The following TP53BP1 variants were observed in gnomAD, a reference collection of about 807,000 sequenced individuals.
TP53BP1 encodes TP53-binding protein 1.
TP53BP1 carries 61 observed loss-of-function variants against 200.8 expected under a neutral mutation model. The observed-to-expected ratio is 0.30, with a 90% CI of 0.25 to 0.38. The LOEUF (loss-of-function observed/expected upper bound fraction) is 0.38, where lower values mean the gene tolerates loss of function less well. TP53BP1 is among the 10% of genes least tolerant of loss of function. The probability of loss-of-function intolerance (pLI) is 1.00; values close to 1 mark genes in which losing one functional copy is unlikely to be tolerated. For missense variants in TP53BP1, 2,144 were observed against 2,371.9 expected (o/e 0.90, Z 2.00); for synonymous variants, 822 against 844.3 (o/e 0.97, Z 0.46).
intron 21 of TP53BP1, among the ~76,000 whole-genome samples, chr15:43,418,169 G>T (rs1222462225): frequency 7.3e-6 from 1 of 137,044 alleles, no homozygotes; most frequent in East Asian, 2.1e-4. Context: ...GACAGAGCAA[G>T]GCTCTGTTTT....
chr15:43,483,354 T>C (rs1378745006), intron 4 of TP53BP1, among the ~76,000 whole-genome samples: 1 of 152,096 alleles, frequency 6.6e-6, no homozygotes, highest in Admixed American at 6.6e-5. Context: ...AAGTTTTAAT[T>C]GTCATGAGAA....
At chr15:43,459,669 CT>C (rs879655790) in intron 11 of TP53BP1, among the ~76,000 whole-genome samples, 235 of 143,756 alleles carry the variant, frequency 1.6e-3, no homozygotes, top group Middle Eastern at 3.5e-3. Context: ...TCTTTTTTTT[CT>C]TTTTTTTTTT....
chr15:43,441,434 T>A, intron 15 of TP53BP1, 92 bp downstream of exon 15: 1 of 852,866 alleles, frequency 1.2e-6, no homozygotes, highest in Non-Finnish European at 2.0e-6. Context: ...TTTAACTTTC[T>A]CATTTTAACT....
chr15:43,444,016 G>C (rs1006980067), intron 14 of TP53BP1, among the ~76,000 whole-genome samples: 3 of 152,156 alleles, frequency 2.0e-5, no homozygotes, highest in Non-Finnish European at 4.4e-5. Flanking sequence ...CAACCTAGGA[G>C]TAAACTACTT....
chr15:43,465,181 G>T (rs1422110563), intron 11 of TP53BP1, among the ~76,000 whole-genome samples: 1 of 151,908 alleles, frequency 6.6e-6, no homozygotes, highest in Non-Finnish European at 1.5e-5. Flanking sequence ...TTGTAGACTG[G>T]TGTCTACAAA....
upstream of TP53BP1, among the ~76,000 whole-genome samples, chr15:43,495,644 G>A (rs1190606647): frequency 6.6e-6 from 1 of 151,336 alleles, no homozygotes; most frequent in East Asian, 1.9e-4. Context: ...GGTGAAACAC[G>A]GTCTCTACTA....
chr15:43,446,521 T>C lies in TP53BP1; in HGVS notation c.2906A>G (p.His969Arg). 3 of 1,614,170 alleles carry C rather than the reference T, an allele frequency of 1.9e-6. No homozygotes were observed. Among genetic ancestry groups the C allele is most frequent in the Non-Finnish European group, 2.5e-6 (3 of 1,180,008 alleles). ...DVMSESMVET[H>R]DPILGSGKGD... is the part of the protein sequence containing the mutation. ...TTTTCCACTCCCAAGTATGGGATCA[T>C]GGGTCTCCACCATGCTTTCAGACAT... The change falls in exon 14 of 28, where the codon CAT (histidine) becomes CGT (arginine). Residue 969 changes from histidine (H) to arginine (R), a missense_variant. His to Arg is a conservative substitution (Grantham distance 29, BLOSUM62 0). Coordinates refer to ENST00000382044, the MANE Select transcript of TP53BP1 (RefSeq NM_001141980.3).
rs769420230 is a variant in TP53BP1, at chr15:43,420,284, A to C, written c.4681+21T>G. ...CCCCAAGGCACAAAAAAATCTCTAC[A>C]AACTCTGCTTCTTTCATTACCTGCA... On this transcript the variant is annotated intron_variant, in intron 21 of 27. Coordinates refer to ENST00000382044, the MANE Select transcript of TP53BP1 (RefSeq NM_001141980.3). 2.5e-6 allele frequency: 4 copies of C among 1,605,052 alleles called. No individual in the cohort carries two copies. The East Asian group carries it at 8.9e-5, about 36-fold the overall frequency.
chr15:43,453,179 G>C (rs543418019), intron 12 of TP53BP1, among the ~76,000 whole-genome samples: 47 of 107,582 alleles, frequency 4.4e-4, no homozygotes, highest in African/African-American at 1.9e-3. Flanking sequence ...GGGCGAAAAA[G>C]TGAGACTCCG....
intron 11 of TP53BP1, among the ~76,000 whole-genome samples, chr15:43,462,216 C>CAAAA (rs779088744): frequency 1.2e-4 from 4 of 34,056 alleles, no homozygotes; most frequent in Non-Finnish European, 2.5e-4. Flanking sequence ...GACTTCATCT[C>CAAAA]AAAAAAAAAA....
In TP53BP1 at chr15:43,479,423, T is replaced by C; in HGVS notation, c.762A>G (p.Val254=). Residue 254 remains valine, a synonymous_variant, in exon 7 of 28, where the codon GTA becomes GTG. Coordinates refer to ENST00000382044, the MANE Select transcript of TP53BP1 (RefSeq NM_001141980.3). The stretch of plus-strand genomic sequence containing the variant: ...TTGCAGGTGGTGGATTTTGCTCTTT[T>C]ACAACATGTACATCCTTACTGGGCT... ...TAQPSKDVHV[V]KEQNPPPARS... is the part of the protein sequence containing the mutation. 7 of 1,608,124 alleles carry C rather than the reference T, an allele frequency of 4.4e-6. No homozygotes were observed. Among genetic ancestry groups the C allele is most frequent in the Non-Finnish European group, 5.9e-6 (7 of 1,177,696 alleles).
chr15:43,478,258 A>G (rs1416139881), intron 7 of TP53BP1, among the ~76,000 whole-genome samples: 1 of 152,160 alleles, frequency 6.6e-6, no homozygotes, highest in Non-Finnish European at 1.5e-5. Flanking sequence ...ATCAATACTA[A>G]CATGTATAAG....
upstream of TP53BP1, among the ~76,000 whole-genome samples, chr15:43,494,331 A>C (rs774067450): frequency 6.6e-6 from 1 of 152,196 alleles, no homozygotes; most frequent in Non-Finnish European, 1.5e-5. Context: ...GCTGAAGTGG[A>C]GCTTCCTACC....
At chr15:43,440,158 A>C (rs1418912748) in intron 15 of TP53BP1, among the ~76,000 whole-genome samples, 1 of 152,206 alleles carries the variant, frequency 6.6e-6, no homozygotes, top group Non-Finnish European at 1.5e-5. Context: ...CTTTCTAAAA[A>C]CAAAGATGTG....
chr15:43,404,344 C>A lies in TP53BP1; in HGVS notation c.*3039G>T. On this transcript the variant is annotated 3_prime_UTR_variant, in exon 28 of 28. Transcript: ENST00000382044. ...GGCTTTTCCAAGAAACTCCTCCCTC[C>A]GCCCCCATCCTCCATATGGAGAGTT... The A allele has an allele frequency of 6.3e-7, 1 of 1,580,878 alleles. No individual in the cohort carries two copies. Among genetic ancestry groups the A allele is most frequent in the Non-Finnish European group, 8.6e-7 (1 of 1,159,558 alleles).
At position 43,420,378 on chromosome 15, in the gene TP53BP1, G is replaced by A. The variant is rs779795258; in HGVS notation, c.4608C>T (p.Asp1536=). Residue 1536 remains aspartate (D), a synonymous_variant, in exon 21 of 28, where the codon GAC becomes GAT. Transcript: ENST00000382044. ...DGYECDVLGK[D]ILLCDPIPLD... ...GCGGGATGGGGTCACATAACAGAATGTCTTTGCCCAACACATCACATTCGT... is the reference window on the plus strand; with the variant it reads ...GCGGGATGGGGTCACATAACAGAATATCTTTGCCCAACACATCACATTCGT... 1.9e-6 allele frequency: 3 copies of A among 1,614,128 alleles called. No homozygotes were observed. Among genetic ancestry groups the A allele is most frequent in the Non-Finnish European group, 2.5e-6 (3 of 1,180,032 alleles).
intron 2 of TP53BP1, 47 bp downstream of exon 2, chr15:43,492,237 T>TAAA: frequency 3.0e-6 from 4 of 1,313,254 alleles, no homozygotes; most frequent in African/African-American, 1.5e-5. Context: ...GTTTTCGGTT[T>TAAA]AAAAAAAAAA....
intron 1 of TP53BP1, among the ~76,000 whole-genome samples, chr15:43,504,536 G>A (rs1001497214): frequency 5.3e-5 from 8 of 152,114 alleles, no homozygotes; most frequent in Non-Finnish European, 1.0e-4. Context: ...TTTGAGTTCG[G>A]TCATATCCCT....
chr15:43,405,042 A>AAG lies in TP53BP1; in HGVS notation c.*2339_*2340dup. On this transcript the variant is annotated 3_prime_UTR_variant, in exon 28 of 28. Transcript: ENST00000382044. ...TGTCCTTTCTCTCTAAAATGTCTGC[A>AAG]AGCAGATTTTTTTCTAAGCTATTGT... is the stretch of plus-strand genomic sequence containing the variant. The AAG allele has an allele frequency of 1.3e-6, 1 of 753,230 alleles. No homozygotes were observed. Among genetic ancestry groups the AAG allele is most frequent in the Non-Finnish European group, 2.1e-6 (1 of 465,364 alleles). The allele number at this position is 753,230 out of a possible 1,614,324, so 46.7% of individuals were successfully genotyped here.
Sources: allele counts gnomAD v4.1 joint callset (sites outside exome capture counted in the v4.1 genomes callset), GRCh38; gene constraint gnomAD v4.1.1; transcripts MANE v1.5; gene names NCBI Gene and HGNC (gene_info 2026-07-23, HGNC 2026-07-21).